Variants in TENM2 observed in about 807,000 individuals in gnomAD.
TENM2 encodes teneurin-2.
TENM2 carries 52 observed loss-of-function variants against 245.2 expected under a neutral mutation model. That is an observed-to-expected ratio of 0.21 (90% CI 0.17 to 0.27). The LOEUF (loss-of-function observed/expected upper bound fraction) is 0.27, where lower values mean the gene tolerates loss of function less well. Ranked by LOEUF, TENM2 falls within the 10% of genes least tolerant of loss-of-function variation. The pLI is 1.00. For missense variants in TENM2, 3,046 were observed against 3,666.8 expected (o/e 0.83, Z 4.37); for synonymous variants, 1,363 against 1,438.9 (o/e 0.95, Z 1.19).
chr5:166,987,132 T>C, the TENM2 span, among the ~76,000 whole-genome samples: 1 of 152,144 alleles, frequency 6.6e-6, no homozygotes, highest in Non-Finnish European at 1.5e-5. Flanking sequence ...TTATATGATT[T>C]GTGTATGTTC....
chr5:167,562,629 T>C (rs1039547036), intron 2 of TENM2, among the ~76,000 whole-genome samples: 1 of 152,128 alleles, frequency 6.6e-6, no homozygotes, highest in Non-Finnish European at 1.5e-5. Flanking sequence ...AGTATTCAAA[T>C]GGAAGCCTGT....
the TENM2 span, among the ~76,000 whole-genome samples, chr5:167,030,593 G>A: frequency 6.6e-6 from 1 of 152,112 alleles, no homozygotes; most frequent in Admixed American, 6.5e-5. Flanking sequence ...CCACTTGCTT[G>A]CTTTCTTCTG....
At chr5:167,805,418 A>G (rs1006528096) in intron 2 of TENM2, among the ~76,000 whole-genome samples, 1 of 152,146 alleles carries the variant, frequency 6.6e-6, no homozygotes, top group East Asian at 1.9e-4. Flanking sequence ...GATTCTTGGA[A>G]TGAACCAAAT....
chr5:167,809,671 G>T (rs892549365), intron 2 of TENM2, among the ~76,000 whole-genome samples: 1 of 152,088 alleles, frequency 6.6e-6, no homozygotes, highest in Non-Finnish European at 1.5e-5. Flanking sequence ...ATGTGCTTGT[G>T]TTGGCTAATT....
At chr5:167,360,540 C>A (rs1038898473) in intron 1 of TENM2, among the ~76,000 whole-genome samples, 1 of 152,072 alleles carries the variant, frequency 6.6e-6, no homozygotes, top group Non-Finnish European at 1.5e-5. Context: ...CTCATGGTAT[C>A]CTCCATTTAT....
the TENM2 span, among the ~76,000 whole-genome samples, chr5:167,123,456 T>G: frequency 6.6e-6 from 1 of 152,250 alleles, no homozygotes; most frequent in Non-Finnish European, 1.5e-5. Flanking sequence ...CAGACTCTGG[T>G]GATTTTCCTC....
intron 3 of TENM2, among the ~76,000 whole-genome samples, chr5:167,889,544 C>A (rs1774573745): frequency 1.3e-5 from 2 of 152,220 alleles, no homozygotes; most frequent in Middle Eastern, 3.4e-3. Context: ...CCATTACCCA[C>A]CCCCCTTTCA....
At chr5:168,205,370 G>C (rs1422622222) in intron 19 of TENM2, among the ~76,000 whole-genome samples, 1 of 151,450 alleles carries the variant, frequency 6.6e-6, no homozygotes, top group Non-Finnish European at 1.5e-5. Context: ...GTTTGTGTTT[G>C]TGTTCTGGTA....
At chr5:167,033,334 T>TGAAA in the TENM2 span, among the ~76,000 whole-genome samples, 1 of 152,210 alleles carries the variant, frequency 6.6e-6, no homozygotes, top group East Asian at 1.9e-4. Flanking sequence ...TGTACAGATA[T>TGAAA]TCTTCTACTT....
chr5:167,079,595 G>A, the TENM2 span, among the ~76,000 whole-genome samples: 1 of 151,160 alleles, frequency 6.6e-6, no homozygotes, highest in African/African-American at 2.4e-5. Flanking sequence ...TTACAGGCAT[G>A]AGCCACCACA....
chr5:167,647,992 C>A (rs1412286822), intron 2 of TENM2, among the ~76,000 whole-genome samples: 2 of 152,196 alleles, frequency 1.3e-5, no homozygotes, highest in Non-Finnish European at 1.5e-5. Flanking sequence ...TACAGATTTT[C>A]TCTGTCCAAA....
At chr5:168,214,872 C>T (rs1763055643) in intron 20 of TENM2, 168 bp from the exon 23 acceptor site, 1 of 702,380 alleles carries the variant, frequency 1.4e-6, no homozygotes, top group South Asian at 1.5e-5. Context: ...AGCTAAGAAC[C>T]ATGATGTGTT....
intron 1 of TENM2, among the ~76,000 whole-genome samples, chr5:167,337,573 T>C (rs763007977): frequency 9.2e-5 from 14 of 152,132 alleles, no homozygotes; most frequent in Non-Finnish European, 1.9e-4. Flanking sequence ...TTTGTAAAAA[T>C]GTTGGCCAAG....
intron 2 of TENM2, among the ~76,000 whole-genome samples, chr5:167,400,541 A>C (rs1478609739): frequency 2.0e-5 from 3 of 152,082 alleles, no homozygotes; most frequent in Non-Finnish European, 4.4e-5. Context: ...AAATGTTTTT[A>C]TGGAAATAAT....
At chr5:167,421,410 AG>A (rs1437272811) in intron 2 of TENM2, among the ~76,000 whole-genome samples, 1 of 152,184 alleles carries the variant, frequency 6.6e-6, no homozygotes, top group Non-Finnish European at 1.5e-5. Flanking sequence ...TGCCTATTAG[AG>A]CTCCATTTAA....
At chr5:167,157,038 T>A in the TENM2 span, among the ~76,000 whole-genome samples, 1 of 152,240 alleles carries the variant, frequency 6.6e-6, no homozygotes, top group Non-Finnish European at 1.5e-5. Context: ...CATGCAGGTG[T>A]GCTTCATAAT....
the TENM2 span, among the ~76,000 whole-genome samples, chr5:167,051,771 A>G: frequency 4.3e-4 from 65 of 152,244 alleles, no homozygotes; most frequent in African/African-American, 1.5e-3. Context: ...TTCAAGTAGG[A>G]TATTCTCAAA....
At chr5:167,720,641 CTGAA>C (rs1227418235) in intron 2 of TENM2, among the ~76,000 whole-genome samples, 1 of 152,146 alleles carries the variant, frequency 6.6e-6, no homozygotes, top group Non-Finnish European at 1.5e-5. Context: ...ATGTTTTTCT[CTGAA>C]ATATTGCATT....
the TENM2 span, among the ~76,000 whole-genome samples, chr5:167,073,987 C>A: frequency 1.3e-5 from 2 of 152,194 alleles, no homozygotes; most frequent in African/African-American, 4.8e-5. Context: ...CACCTACAAC[C>A]ATTTTCCCCT....
Sources: gnomAD v4.1 joint callset for allele counts (sites outside exome capture counted in the v4.1 genomes callset) on GRCh38, gnomAD v4.1.1 for gene constraint, MANE v1.5 for transcripts, NCBI Gene and HGNC (gene_info 2026-07-23, HGNC 2026-07-21) for gene names.